CHD7: variants seen among roughly 807,000 people sequenced by gnomAD.
The protein encoded by CHD7 is ATP-dependent chromatin remodeler CHD7.
CHD7 carries 24 observed loss-of-function variants against 307.3 expected under a neutral mutation model. That is an observed-to-expected ratio of 0.08 (90% CI 0.06 to 0.11). The LOEUF is 0.11. Among genes scored for constraint, CHD7 ranks in the 10% least tolerant of loss-of-function variants. The pLI is 1.00. For missense variants in CHD7, 3,106 were observed against 3,727.1 expected, an observed-to-expected ratio of 0.83 and a Z score of 4.34; for synonymous variants, 1,363 against 1,349.9, an observed-to-expected ratio of 1.01 and a Z score of -0.21.
At position 60,795,101 on chromosome 8, in the gene CHD7, G is replaced by C. The variant is rs375850262; in HGVS notation, c.2212G>C (p.Glu738Gln). 6.2e-7 allele frequency: 1 copy of C among 1,613,668 alleles called. No homozygotes were observed. The highest frequency in any genetic ancestry group is 1.1e-5 in the South Asian group (1 of 91,026). The stretch of plus-strand genomic sequence containing the variant: ...AACACCCCCACCATCTCCTCCTCCT[G>C]AAGAAGATGAGGACCCAGGTGTTCA... ...DKTPPPSPPP[E>Q]EDEDPGVQKR... Residue 738 changes from glutamate to glutamine, a missense_variant, in exon 4 of 38, where the codon GAA becomes CAA. Glu to Gln is a conservative substitution (Grantham distance 29). Coordinates refer to ENST00000423902, the MANE Select transcript of CHD7 (RefSeq NM_017780.4).
intron 2 of CHD7, among the ~76,000 whole-genome samples, chr8:60,760,590 C>T: frequency 1.4e-5 from 2 of 147,882 alleles, no homozygotes; most frequent in African/African-American, 5.0e-5. Flanking sequence ...TCACAACCTA[C>T]TCATCTGACA....
chr8:60,773,501 G>T (rs1357145329), intron 2 of CHD7, among the ~76,000 whole-genome samples: 1 of 152,146 alleles, frequency 6.6e-6, no homozygotes, highest in East Asian at 1.9e-4. Flanking sequence ...GTGCCCTAGG[G>T]GTGTGTGTGT....
intron 6 of CHD7, among the ~76,000 whole-genome samples, chr8:60,806,728 TGTG>T (rs1812553369): frequency 6.6e-6 from 1 of 152,066 alleles, no homozygotes; most frequent in African/African-American, 2.4e-5. Flanking sequence ...TTTAGCTCGG[TGTG>T]GTGGCTCATG....
chr8:60,816,640 G>A, intron 8 of CHD7, 139 bp downstream of exon 8: 1 of 596,358 alleles, frequency 1.7e-6, no homozygotes. Flanking sequence ...ACTGGTTCTT[G>A]CTAACAAATT....
intron 6 of CHD7, among the ~76,000 whole-genome samples, chr8:60,804,743 T>C (rs577555566): frequency 5.9e-5 from 9 of 152,322 alleles, no homozygotes; most frequent in Admixed American, 2.0e-4. Flanking sequence ...GTAGGATGCA[T>C]AGGAAAGGCC....
chr8:60,741,483 C>T lies in CHD7; in HGVS notation c.51C>T (p.Phe17=). The T allele has an allele frequency of 1.2e-6, 2 of 1,612,124 alleles. No homozygotes were observed. Among genetic ancestry groups the T allele is most frequent in the Non-Finnish European group, 1.7e-6 (2 of 1,179,038 alleles). Residue 17 remains phenylalanine, a synonymous_variant, in exon 2 of 38, where the codon TTC becomes TTT. Transcript: ENST00000423902. ...TTTTTGGCGAGGATGGGAATATTTTCAGTGAAGGTCTTGAAGGCCTCGGAG... is the reference window on the plus strand; with the variant it reads ...TTTTTGGCGAGGATGGGAATATTTTTAGTGAAGGTCTTGAAGGCCTCGGAG... ...MSLFGEDGNI[F]SEGLEGLGEC... is the part of the protein sequence containing the mutation.
intron 1 of CHD7, among the ~76,000 whole-genome samples, chr8:60,725,415 G>A (rs902048774): frequency 1.3e-5 from 2 of 152,156 alleles, no homozygotes; most frequent in Non-Finnish European, 2.9e-5. Flanking sequence ...TGATAGCAGA[G>A]AGTTGAATTT....
chr8:60,703,428 A>C (rs970453379), intron 1 of CHD7, among the ~76,000 whole-genome samples: 8 of 152,176 alleles, frequency 5.3e-5, no homozygotes, highest in African/African-American at 1.9e-4. Flanking sequence ...TCTTCCTCTT[A>C]TTGGTCAAGG....
chr8:60,689,350 A>T (rs1317605857), intron 1 of CHD7, among the ~76,000 whole-genome samples: 1 of 152,254 alleles, frequency 6.6e-6, no homozygotes, highest in Non-Finnish European at 1.5e-5. Context: ...GTCAGTTAGC[A>T]TTTTGCTAAG....
At chr8:60,864,053 G>A (rs1806130704) in intron 37 of CHD7, 1 of 151,732 alleles carries the variant, frequency 6.6e-6, no homozygotes, top group East Asian at 1.9e-4. Context: ...TTAATTGACA[G>A]ATATTTAATT....
chr8:60,770,412 A>C (rs1713059150), intron 2 of CHD7, among the ~76,000 whole-genome samples: 1 of 152,168 alleles, frequency 6.6e-6, no homozygotes, highest in African/African-American at 2.4e-5. Flanking sequence ...TTGCGTTATT[A>C]GTTAGTGAAT....
intron 2 of CHD7, among the ~76,000 whole-genome samples, chr8:60,767,333 G>A (rs1042031921): frequency 2.0e-5 from 3 of 152,190 alleles, no homozygotes; most frequent in Non-Finnish European, 4.4e-5. Context: ...TGAAGAAGGT[G>A]AGGTAGAAGG....
chr8:60,865,725 A>G lies in CHD7; in HGVS notation c.8786A>G (p.Asn2929Ser), dbSNP rs1586469053. The change falls in exon 38 of 38, where the codon AAT becomes AGT. Residue 2929 changes from asparagine to serine, a missense_variant. Transcript: ENST00000423902. The surrounding 1 kb of genome is among the most constrained non-coding windows in gnomAD (Gnocchi z 4.3). ...PGFPALAGLQ[N>S]AVGSSEEKAA... ...TTCCCAGCATTGGCAGGACTTCAGA[A>G]TGCCGTGGGCTCCAGCGAAGAAAAG... 2 of 1,610,240 alleles carry G rather than the reference A, an allele frequency of 1.2e-6. No homozygotes were observed. The highest frequency in any genetic ancestry group is 1.7e-6 in the Non-Finnish European group (2 of 1,177,440).
chr8:60,773,696 G>A (rs1041700156), intron 2 of CHD7, among the ~76,000 whole-genome samples: 6 of 152,196 alleles, frequency 3.9e-5, no homozygotes, highest in African/African-American at 7.2e-5. Flanking sequence ...GGCAAGGAGC[G>A]GGCTAATTTT....
intron 1 of CHD7, among the ~76,000 whole-genome samples, chr8:60,683,909 GT>G (rs34548561): frequency 1.9e-3 from 274 of 147,636 alleles, no homozygotes; most frequent in African/African-American, 3.9e-3. Context: ...GTTTTTGGAG[GT>G]TTTTTTTTTT....
chr8:60,855,185 C>T (rs1396757264), intron 32 of CHD7: 1 of 152,100 alleles, frequency 6.6e-6, no homozygotes, highest in African/African-American at 2.4e-5. Context: ...CTCGTCTTTC[C>T]CAGTATTATT....
In CHD7 at chr8:60,685,367, A is replaced by T. The variant is rs140080145; in HGVS notation, c.-175+6285A>T. Among the ~76,000 whole-genome samples the T allele has an allele frequency of 9.8e-3, 1,486 of 152,352 alleles. 16 individuals carry two copies. Among genetic ancestry groups the T allele is most frequent in the Non-Finnish European group, 0.016 (1,063 of 68,032 alleles). ...GCTTGTTACTTGCCTGATACATAGCACTTTGTAGGAGTTTGCTCATTCCAG... is the reference window on the plus strand; with the variant it reads ...GCTTGTTACTTGCCTGATACATAGCTCTTTGTAGGAGTTTGCTCATTCCAG... On this transcript the variant is annotated intron_variant, in intron 1 of 37. Coordinates refer to ENST00000423902, the MANE Select transcript of CHD7 (RefSeq NM_017780.4).
Position 60,821,860 on chromosome 8 carries a change from A to G in CHD7, c.2768A>G (p.Asp923Gly). 1.9e-6 allele frequency: 3 copies of G among 1,603,742 alleles called. No individual in the cohort carries two copies. The highest frequency in any genetic ancestry group is 2.6e-6 in the Non-Finnish European group (3 of 1,174,632). ...GACAGCACGTGGGAGCGGAGGCAGGACATAGATCAAGCAAAGATCGAGGAG... is the reference window on the plus strand; with the variant it reads ...GACAGCACGTGGGAGCGGAGGCAGGGCATAGATCAAGCAAAGATCGAGGAG... ...YEDSTWERRQ[D>G]IDQAKIEEFE... Residue 923 changes from aspartate to glycine, a missense_variant, in exon 10 of 38, where the codon GAC becomes GGC. Physicochemically the swap from Asp to Gly is moderately conservative, Grantham distance 94 (BLOSUM62 -1). Transcript: ENST00000423902.
chr8:60,827,779 A>G (rs1804318999), intron 13 of CHD7, among the ~76,000 whole-genome samples: 1 of 151,970 alleles, frequency 6.6e-6, no homozygotes, highest in African/African-American at 2.4e-5. Flanking sequence ...TACTGAGCGT[A>G]TACTCTGCTT....
Sources: gnomAD v4.1 joint callset for allele counts (sites outside exome capture counted in the v4.1 genomes callset) on GRCh38, gnomAD v4.1.1 for gene constraint, Gnocchi (gnomAD v3.1) non-coding constraint, MANE v1.5 for transcripts, NCBI Gene and HGNC (gene_info 2026-07-23, HGNC 2026-07-21) for gene names.